Variants in NIPAL2 observed in about 807,000 individuals in gnomAD.
The protein encoded by NIPAL2 is NIPA-like protein 2.
NIPAL2 carries 43 observed loss-of-function variants against 48.9 expected under a neutral mutation model. The observed-to-expected ratio is 0.88, with a 90% CI of 0.69 to 1.13. NIPAL2 has a LOEUF of 1.13. Ranked by LOEUF, NIPAL2 falls within the 50% of genes most tolerant of loss-of-function variation. The pLI, the probability that NIPAL2 is intolerant of heterozygous loss-of-function variation, is 0.00. For missense variants in NIPAL2, 446 were observed against 461.4 expected, an observed-to-expected ratio of 0.97 and a Z score of 0.31; for synonymous variants, 167 against 174.6, an observed-to-expected ratio of 0.96 and a Z score of 0.34.
chr8:98,268,688 T>C (rs1814930106), intron 1 of NIPAL2, among the ~76,000 whole-genome samples: 1 of 151,320 alleles, frequency 6.6e-6, no homozygotes, highest in African/African-American at 2.4e-5. Context: ...AGCAAAATTA[T>C]ACAGGCTTAC....
At chr8:98,279,416 A>G (rs1815665123) in intron 1 of NIPAL2, among the ~76,000 whole-genome samples, 1 of 152,276 alleles carries the variant, frequency 6.6e-6, no homozygotes, top group Non-Finnish European at 1.5e-5. Flanking sequence ...TCTAGTTTAC[A>G]TCATTACTTA....
At chr8:98,270,411 T>C (rs1282045026) in intron 1 of NIPAL2, among the ~76,000 whole-genome samples, 1 of 152,214 alleles carries the variant, frequency 6.6e-6, no homozygotes, top group Non-Finnish European at 1.5e-5. Context: ...ATTGTGGTTT[T>C]CATTTGCATT....
At chr8:98,291,837 G>A (rs980864070) in intron 1 of NIPAL2, among the ~76,000 whole-genome samples, 1 of 152,136 alleles carries the variant, frequency 6.6e-6, no homozygotes, top group Admixed American at 6.5e-5. Flanking sequence ...TTCCCCCACT[G>A]AACTACTACT....
chr8:98,199,117 C>T (rs1051706424), intron 8 of NIPAL2, among the ~76,000 whole-genome samples: 12 of 151,848 alleles, frequency 7.9e-5, no homozygotes, highest in Admixed American at 3.9e-4. Context: ...CCACCATGCC[C>T]GGCTAATTTT....
At chr8:98,264,651 A>C (rs1401711413) in intron 1 of NIPAL2, among the ~76,000 whole-genome samples, 1 of 150,460 alleles carries the variant, frequency 6.6e-6, no homozygotes, top group East Asian at 2.0e-4. Flanking sequence ...AAATGGAAGA[A>C]CATTCCATGC....
intron 1 of NIPAL2, among the ~76,000 whole-genome samples, chr8:98,281,939 T>A (rs190070817): frequency 6.6e-6 from 1 of 152,230 alleles, no homozygotes; most frequent in Non-Finnish European, 1.5e-5. Flanking sequence ...AGGATACCTG[T>A]GATGGCATTT....
chr8:98,259,526 C>T (rs1240263681), intron 1 of NIPAL2, among the ~76,000 whole-genome samples: 3 of 152,142 alleles, frequency 2.0e-5, no homozygotes, highest in Non-Finnish European at 4.4e-5. Flanking sequence ...GACACAATTC[C>T]TTACTCCTCC....
At chr8:98,259,070 C>CTTTTTTTTTTT (rs869220202) in intron 1 of NIPAL2, among the ~76,000 whole-genome samples, 108 of 41,806 alleles carry the variant, frequency 2.6e-3, no homozygotes, top group African/African-American at 0.011. Context: ...TTAAATATTC[C>CTTTTTTTTTTT]TTTTTTTTTT....
intron 3 of NIPAL2, among the ~76,000 whole-genome samples, chr8:98,243,423 G>A (rs145173294): frequency 4.9e-3 from 751 of 152,280 alleles, no homozygotes; most frequent in Non-Finnish European, 6.7e-3. Flanking sequence ...GGGGGAGGGT[G>A]CCAGTCCCAG....
At chr8:98,210,993 A>G (rs1811282396) in intron 6 of NIPAL2, among the ~76,000 whole-genome samples, 1 of 152,148 alleles carries the variant, frequency 6.6e-6, no homozygotes, top group Non-Finnish European at 1.5e-5. Context: ...GGTCCTGGAG[A>G]ACCCCTGTCT....
intron 8 of NIPAL2, 115 bp downstream of exon 8, chr8:98,202,993 C>G: frequency 1.3e-6 from 1 of 761,562 alleles, no homozygotes; most frequent in Non-Finnish European, 2.2e-6. Context: ...ATTCAGACAC[C>G]AGGTGGAGGC....
At chr8:98,246,044 A>G (rs1473402007) in intron 3 of NIPAL2, among the ~76,000 whole-genome samples, 1 of 152,204 alleles carries the variant, frequency 6.6e-6, no homozygotes, top group Non-Finnish European at 1.5e-5. Context: ...ACACTGCTCT[A>G]AGGGACAAAG....
intron 3 of NIPAL2, among the ~76,000 whole-genome samples, chr8:98,250,489 C>A (rs1341812225): frequency 1.3e-5 from 2 of 152,170 alleles, no homozygotes; most frequent in Non-Finnish European, 2.9e-5. Flanking sequence ...AAATCCAGCT[C>A]AGGACTGCCG....
rs560810500 is a variant in NIPAL2, at chr8:98,193,131, C to T, written c.1040-41G>A. On this transcript the variant is annotated intron_variant, in intron 10 of 10. Transcript: ENST00000430223. Reference sequence around the variant, plus strand: ...TCATAGAGAATCTTTTGAGGTCTTACAGAAAAATAAGTCTTAATAATTTCT... The same window carrying T: ...TCATAGAGAATCTTTTGAGGTCTTATAGAAAAATAAGTCTTAATAATTTCT... 6.0e-4 allele frequency: 897 copies of T among 1,495,758 alleles called. 5 individuals are homozygous for T. In the South Asian group the frequency reaches 9.6e-3, roughly 16 times the overall value. The allele number at this position is 1,495,758 out of a possible 1,614,324, so 92.7% of individuals were successfully genotyped here.
chr8:98,216,137 G>A (rs1811562607), intron 5 of NIPAL2, among the ~76,000 whole-genome samples: 1 of 152,254 alleles, frequency 6.6e-6, no homozygotes, highest in African/African-American at 2.4e-5. Flanking sequence ...CTAAGGCCAT[G>A]TTTGGACAAA....
intron 8 of NIPAL2, among the ~76,000 whole-genome samples, chr8:98,197,768 A>G (rs1259333203): frequency 2.0e-5 from 3 of 152,220 alleles, no homozygotes; most frequent in African/African-American, 7.2e-5. Flanking sequence ...AAGTTTGATT[A>G]TGAAGTTGTA....
Position 98,211,491 on chromosome 8 carries a change from A to C in NIPAL2, c.655+914T>G, listed in dbSNP as rs577290508. Among the ~76,000 whole-genome samples the C allele has an allele frequency of 1.1e-4, 17 of 152,304 alleles. No individual in the cohort carries two copies. The East Asian group carries it at 3.1e-3, about 28-fold the overall frequency. On this transcript the variant is annotated intron_variant, in intron 6 of 10. Coordinates refer to ENST00000430223, the MANE Select transcript of NIPAL2 (RefSeq NM_001321635.2). ...CAAATTTTCTAGTACAAAGGAGAGA[A>C]CTAGTTGATGAGATAGGAACATGAA...
intron 1 of NIPAL2, among the ~76,000 whole-genome samples, chr8:98,276,008 C>G (rs1815436663): frequency 6.6e-6 from 1 of 152,114 alleles, no homozygotes; most frequent in African/African-American, 2.4e-5. Context: ...TATTTTCTCC[C>G]TGCTGCCACA....
At chr8:98,251,351 C>A (rs945766641) in intron 3 of NIPAL2, among the ~76,000 whole-genome samples, 1 of 152,020 alleles carries the variant, frequency 6.6e-6, no homozygotes, top group Non-Finnish European at 1.5e-5. Context: ...AAACATAAAA[C>A]GTCTAAAATG....
Sources: allele counts gnomAD v4.1 joint callset (sites outside exome capture counted in the v4.1 genomes callset), GRCh38; gene constraint gnomAD v4.1.1; transcripts MANE v1.5; gene names NCBI Gene and HGNC (gene_info 2026-07-23, HGNC 2026-07-21).